Variants in REDIC1 observed in about 807,000 individuals in gnomAD.
REDIC1 encodes the protein HEI10 Interacting Protein 1.
the REDIC1 span, among the ~76,000 whole-genome samples, chr12:39,761,716 T>G: frequency 6.6e-6 from 1 of 151,962 alleles, no homozygotes; most frequent in Admixed American, 6.6e-5. Flanking sequence ...ATGGAATCTT[T>G]AGCAGGGAGG....
chr12:39,838,959 C>T, the REDIC1 span, among the ~76,000 whole-genome samples: 1 of 152,056 alleles, frequency 6.6e-6, no homozygotes, highest in Admixed American at 6.6e-5. Context: ...TCAATGGTGG[C>T]AAACACAGAT....
the REDIC1 span, among the ~76,000 whole-genome samples, chr12:39,678,788 T>G: frequency 6.6e-6 from 1 of 152,122 alleles, no homozygotes; most frequent in Middle Eastern, 3.4e-3. Flanking sequence ...GCAGGGATGG[T>G]TTAACACACA....
the REDIC1 span, among the ~76,000 whole-genome samples, chr12:39,692,669 C>T: frequency 6.6e-6 from 1 of 151,882 alleles, no homozygotes; most frequent in Non-Finnish European, 1.5e-5. Context: ...TATCTTCTAA[C>T]AATGGATATT....
the REDIC1 span, chr12:39,835,681 C>A: frequency 3.3e-5 from 5 of 152,032 alleles, no homozygotes; most frequent in African/African-American, 9.7e-5. Context: ...CCATGCTTAC[C>A]AACTCTGTAT....
At chr12:39,882,077 T>G in the REDIC1 span, among the ~76,000 whole-genome samples, 1 of 152,192 alleles carries the variant, frequency 6.6e-6, no homozygotes, top group Non-Finnish European at 1.5e-5. Flanking sequence ...GTCACTCTCA[T>G]GTAGACTTTA....
the REDIC1 span, among the ~76,000 whole-genome samples, chr12:39,877,542 GT>G: frequency 6.6e-6 from 1 of 152,144 alleles, no homozygotes; most frequent in Non-Finnish European, 1.5e-5. Flanking sequence ...TTAAATGTTA[GT>G]TCCAGAAAAA....
the REDIC1 span, among the ~76,000 whole-genome samples, chr12:39,687,901 A>G: frequency 6.6e-6 from 1 of 152,250 alleles, no homozygotes; most frequent in East Asian, 1.9e-4. Flanking sequence ...ACAGCAAAAG[A>G]GACTGAAATG....
At chr12:39,695,536 A>G in the REDIC1 span, among the ~76,000 whole-genome samples, 2 of 152,112 alleles carry the variant, frequency 1.3e-5, no homozygotes, top group African/African-American at 4.8e-5. Flanking sequence ...GAAGGGTGGG[A>G]AGGACTGTGT....
At chr12:39,779,142 A>G in the REDIC1 span, among the ~76,000 whole-genome samples, 1 of 152,170 alleles carries the variant, frequency 6.6e-6, no homozygotes, top group Non-Finnish European at 1.5e-5. Flanking sequence ...TGGGTGGCCT[A>G]TGGGCGGGGT....
the REDIC1 span, among the ~76,000 whole-genome samples, chr12:39,656,993 AAG>A: frequency 6.6e-6 from 1 of 152,206 alleles, no homozygotes; most frequent in East Asian, 1.9e-4. Flanking sequence ...TTATTGATGA[AAG>A]AAATTTTTAA....
the REDIC1 span, chr12:39,683,464 G>C: frequency 6.2e-7 from 1 of 1,600,492 alleles, no homozygotes; most frequent in South Asian, 1.1e-5. Context: ...AAAGTATTCA[G>C]AAATATCCAG....
the REDIC1 span, chr12:39,647,917 C>T: frequency 2.5e-6 from 4 of 1,606,982 alleles, no homozygotes; most frequent in Non-Finnish European, 1.7e-6. Context: ...AACTAAATTT[C>T]ACATCTGGAA....
chr12:39,858,291 G>A, the REDIC1 span, among the ~76,000 whole-genome samples: 2 of 152,076 alleles, frequency 1.3e-5, no homozygotes, highest in Non-Finnish European at 2.9e-5. Context: ...ATTGACTTAT[G>A]TACATTTATC....
chr12:39,701,407 C>A, the REDIC1 span, among the ~76,000 whole-genome samples: 4 of 152,158 alleles, frequency 2.6e-5, no homozygotes, highest in Admixed American at 2.6e-4. Flanking sequence ...TATATATGCA[C>A]CCAATACAGG....
At chr12:39,830,401 G>C in the REDIC1 span, 1 of 1,342,432 alleles carries the variant, frequency 7.4e-7, no homozygotes. Context: ...AGAGCTGGCT[G>C]GTCTCTTCGA....
chr12:39,898,034 T>C, the REDIC1 span, among the ~76,000 whole-genome samples: 1 of 152,146 alleles, frequency 6.6e-6, no homozygotes, highest in Non-Finnish European at 1.5e-5. Flanking sequence ...TTATTTTTAA[T>C]GACTGAATAG....
At chr12:39,668,056 G>C in the REDIC1 span, among the ~76,000 whole-genome samples, 9 of 151,520 alleles carry the variant, frequency 5.9e-5, no homozygotes, top group African/African-American at 2.2e-4. Context: ...GGAGTATTTA[G>C]CCCATTTACA....
the REDIC1 span, among the ~76,000 whole-genome samples, chr12:39,850,197 C>T: frequency 6.6e-6 from 1 of 151,892 alleles, no homozygotes; most frequent in African/African-American, 2.4e-5. Context: ...GCTACTGGAA[C>T]CGAAAAGGAG....
At chr12:39,648,282 C>T in the REDIC1 span, among the ~76,000 whole-genome samples, 1 of 151,900 alleles carries the variant, frequency 6.6e-6, no homozygotes, top group Non-Finnish European at 1.5e-5. Flanking sequence ...AGTTTATAAT[C>T]ACTGTAATTG....
Sources: gnomAD v4.1 joint callset for allele counts (sites outside exome capture counted in the v4.1 genomes callset) on GRCh38, gnomAD v4.1.1 for gene constraint, MANE v1.5 for transcripts, NCBI Gene and HGNC (gene_info 2026-07-23, HGNC 2026-07-21) for gene names.